Variants in C1RL observed in about 807,000 individuals in gnomAD.
C1RL encodes the protein complement C1r subcomponent-like protein.
A neutral mutation model predicts 27.9 loss-of-function variants in C1RL; 27 were observed. The observed-to-expected ratio is 0.97, with a 90% confidence interval of 0.71 to 1.33. The LOEUF (loss-of-function observed/expected upper bound fraction) is 1.33, where lower values mean the gene tolerates loss of function less well. Ranked by LOEUF, C1RL falls within the 40% of genes most tolerant of loss-of-function variation. The pLI is 0.00. For missense variants in C1RL, 563 were observed against 623.9 expected (o/e 0.90, Z 1.04); for synonymous variants, 248 against 252.1 (o/e 0.98, Z 0.15).
chr12:7,108,057 G>A (rs1938812986), intron 2 of C1RL, 194 bp downstream of exon 2: 2 of 464,732 alleles, frequency 4.3e-6, no homozygotes, highest in Non-Finnish European at 7.6e-6. Flanking sequence ...GGCCCAGATG[G>A]CAGCCCCGGA....
intron 5 of C1RL, among the ~76,000 whole-genome samples, chr12:7,097,566 G>C (rs1938488526): frequency 6.6e-6 from 1 of 152,162 alleles, no homozygotes. Context: ...ACAGGCGTGA[G>C]GCACCGCGCC....
In C1RL at chr12:7,097,158, C is replaced by T. The variant is rs1456081989; in HGVS notation, c.697G>A (p.Gly233Arg). Residue 233 changes from glycine (G) to arginine (R), a missense_variant, in exon 6 of 6, where the codon GGA (glycine) becomes AGA (arginine). Gly to Arg is a moderately radical substitution (Grantham distance 125). Transcript: ENST00000266542. ...TGGGCAATGGGGGTGACTGGCCGTC[C>T]GCAGACTGGGAGAGAGGCGGGGTAG... is the stretch of plus-strand genomic sequence containing the variant. ...EEVLQCMPVC[G>R]RPVTPIAQNQ... The T allele has an allele frequency of 1.9e-5, 31 of 1,601,750 alleles. No individual in the cohort carries two copies. Among genetic ancestry groups the T allele is most frequent in the Non-Finnish European group, 2.3e-5 (27 of 1,173,216 alleles).
In C1RL at chr12:7,105,034, A is replaced by G. The variant is rs117302359; in HGVS notation, c.301-2947T>C. Among the ~76,000 whole-genome samples the G allele has an allele frequency of 4.4e-4, 67 of 152,304 alleles. 1 individual carries two copies. The East Asian group carries it at 0.01, about 23-fold the overall frequency. On this transcript the variant is annotated intron_variant, in intron 2 of 5. Coordinates refer to ENST00000266542, the MANE Select transcript of C1RL (RefSeq NM_016546.4). ...ACAGTGAGCTGCATCTCCCTCCACCAGGCCCTTTTCTCAGCTTGTTGACCA... is the reference window on the plus strand; with the variant it reads ...ACAGTGAGCTGCATCTCCCTCCACCGGGCCCTTTTCTCAGCTTGTTGACCA...
At chr12:7,103,083 C>G (rs985470595) in intron 2 of C1RL, among the ~76,000 whole-genome samples, 1 of 152,200 alleles carries the variant, frequency 6.6e-6, no homozygotes, top group Non-Finnish European at 1.5e-5. Context: ...GAAAATTTCT[C>G]AATCGCCCCA....
intron 2 of C1RL, chr12:7,108,046 G>T: frequency 2.2e-6 from 1 of 456,656 alleles, no homozygotes; most frequent in East Asian, 3.4e-5. Context: ...TTGCTCTGTG[G>T]GGCCCAGATG....
chr12:7,101,891 C>T lies in C1RL; in HGVS notation c.490+7G>A, dbSNP rs1938635717. 4.3e-5 allele frequency: 69 copies of T among 1,613,894 alleles called. No individual in the cohort carries two copies. The highest frequency in any genetic ancestry group is 5.8e-5 in the Non-Finnish European group (69 of 1,179,824). On this transcript the variant is annotated splice_region_variant and intron_variant, in intron 3 of 5. Transcript: ENST00000266542. ...TCCCTCCCTGCACCCCCAGGAGGGA[C>T]ACTCACCCACGGTTTGGTAGAGGGC...
intron 5 of C1RL, among the ~76,000 whole-genome samples, chr12:7,098,010 G>T (rs1311981002): frequency 6.6e-6 from 1 of 152,096 alleles, no homozygotes; most frequent in Non-Finnish European, 1.5e-5. Flanking sequence ...GCTCACGCCT[G>T]TAATCCCAGC....
chr12:7,099,226 A>C (rs989166727), intron 5 of C1RL, among the ~76,000 whole-genome samples: 15 of 27,754 alleles, frequency 5.4e-4, no homozygotes, highest in South Asian at 3.5e-3. Flanking sequence ...ACTCCATCCC[A>C]AAAAAAAAAA....
rs1296947038 is a variant in C1RL at position 7,108,550 on chromosome 12, G to GC, written c.72-72_72-71insG. Reference sequence around the variant, plus strand: ...GGAAGCCTGTGGGTGTGGGAGGAGCGGGGGAGCCGCGCTAGGACTCAGAGG... The same window carrying GC: ...GGAAGCCTGTGGGTGTGGGAGGAGCGCGGGGAGCCGCGCTAGGACTCAGAGG... On this transcript the variant is annotated intron_variant, in intron 1 of 5. Coordinates refer to ENST00000266542, the MANE Select transcript of C1RL (RefSeq NM_016546.4). 6 of 1,294,098 alleles carry GC rather than the reference G, an allele frequency of 4.6e-6. No individual in the cohort carries two copies. In the African/African-American group the frequency reaches 7.9e-5, roughly 17 times the overall value. The allele number at this position is 1,294,098 out of a possible 1,614,324, so 80.2% of individuals were successfully genotyped here.
intron 2 of C1RL, 72 bp from the exon 3 acceptor site, chr12:7,102,159 A>C: frequency 6.8e-7 from 1 of 1,476,850 alleles, no homozygotes; most frequent in Non-Finnish European, 9.3e-7. Context: ...TCACAGGGGC[A>C]CATCCTCGGT....
Position 7,099,712 on chromosome 12 carries a change from C to A in C1RL, c.665G>T (p.Gly222Val). Reference sequence around the variant, plus strand: ...AGGCATACACTGAAGAACCTCCTCCCCATCCTGTCTGTCTTTCCAGGTCCC... The same window carrying A: ...AGGCATACACTGAAGAACCTCCTCCACATCCTGTCTGTCTTTCCAGGTCCC... ...TPGTWKDRQDGEEVLQCMPVC... is the reference protein window; with the variant it reads ...TPGTWKDRQDVEEVLQCMPVC... Residue 222 changes from glycine to valine, a missense_variant, in exon 5 of 6, where the codon GGG (glycine) becomes GTG (valine). By Grantham distance (109) the Gly-to-Val change is moderately radical. Transcript: ENST00000266542. 1 of 1,558,522 alleles carries A rather than the reference C, an allele frequency of 6.4e-7. No homozygotes were observed. The highest frequency in any genetic ancestry group is 2.4e-5 in the East Asian group (1 of 41,826).
At chr12:7,097,405 G>C in intron 5 of C1RL, 3 of 483,246 alleles carry the variant, frequency 6.2e-6, no homozygotes, top group Non-Finnish European at 1.1e-5. Flanking sequence ...TCAGCCTCCC[G>C]AGTAGCTGGG....
rs1049805882 is a variant in C1RL, at chr12:7,099,517, A to C, written c.691+169T>G. ...CTTGACCCCTGAAGAATGAGGAACA[A>C]GCTCCCTGCCTGTTCTTTTCTGGGC... On this transcript the variant is annotated intron_variant, in intron 5 of 5. Coordinates refer to ENST00000266542, the MANE Select transcript of C1RL (RefSeq NM_016546.4). 1.2e-5 allele frequency: 11 copies of C among 955,544 alleles called. No individual in the cohort carries two copies. The African/African-American group carries it at 1.9e-4, about 17-fold the overall frequency. The allele number at this position is 955,544 out of a possible 1,614,324, so 59.2% of individuals were successfully genotyped here. A position where few individuals can be genotyped will look rare whatever the true frequency, so the allele number is the denominator to read the frequency against.
Position 7,096,665 on chromosome 12 carries a change from GC to G in C1RL, c.1189del (p.Ala397LeufsTer64), listed in dbSNP as rs1426032870. 6.2e-7 allele frequency: 1 copy of G among 1,614,142 alleles called. No homozygotes were observed. ...TELKYSRLPVAPREACNAWLQ... is the reference protein window; with the variant it reads ...TELKYSRLPVXPREACNAWLQ... ...CCAGGCGTTGCAGGCCTCCCTGGGA[GC>G]TACAGGCAGCCTCGAGTACTTCAGC... is the stretch of plus-strand genomic sequence containing the variant. On this transcript the variant is annotated frameshift_variant, in exon 6 of 6. Coordinates refer to ENST00000266542, the MANE Select transcript of C1RL (RefSeq NM_016546.4). LOFTEE classifies it low-confidence loss of function (END_TRUNC).
chr12:7,094,601 CA>C lies in C1RL; in HGVS notation c.*1789del. On this transcript the variant is annotated 3_prime_UTR_variant, in exon 6 of 6. Transcript: ENST00000266542. ...TGCCTTGGCAGGGAGAAACTCATAT[CA>C]TTTTTTGCAATCATAAAAATAAGCA... is the stretch of plus-strand genomic sequence containing the variant. The C allele has an allele frequency of 3.2e-6, 3 of 943,382 alleles. No individual in the cohort carries two copies. Among genetic ancestry groups the C allele is most frequent in the Non-Finnish European group, 2.5e-6 (2 of 791,736 alleles). The allele number at this position is 943,382 out of a possible 1,614,324, so 58.4% of individuals were successfully genotyped here.
At position 7,108,489 on chromosome 12, in the gene C1RL, G is replaced by T; in HGVS notation, c.72-10C>A. 1 of 1,569,838 alleles carries T rather than the reference G, an allele frequency of 6.4e-7. No homozygotes were observed. The highest frequency in any genetic ancestry group is 8.7e-7 in the Non-Finnish European group (1 of 1,153,724). On this transcript the variant is annotated splice_polypyrimidine_tract_variant and intron_variant, in intron 1 of 5. Transcript: ENST00000266542. ...GAGAAGCAGCCACCACCTGTGAGTT[G>T]GGGGGAGGGCAAGGTGGGGCCGCGC... is the stretch of plus-strand genomic sequence containing the variant.
intron 5 of C1RL, among the ~76,000 whole-genome samples, chr12:7,098,711 G>T (rs1033623929): frequency 6.6e-6 from 1 of 152,168 alleles, no homozygotes; most frequent in Non-Finnish European, 1.5e-5. Context: ...GACAGAAATG[G>T]CCACACATTA....
In C1RL at chr12:7,095,365, C is replaced by G; in HGVS notation, c.*1026G>C. 1 of 1,020,736 alleles carries G rather than the reference C, an allele frequency of 9.8e-7. No individual in the cohort carries two copies. Among genetic ancestry groups the G allele is most frequent in the Non-Finnish European group, 1.2e-6 (1 of 842,228 alleles). 63.2% of individuals were successfully genotyped at this position (1,020,736 alleles called of 1,614,324 possible). ...TCCTGACCTCGTGATCCACCCACCT[C>G]GGACTCCTAAGGTGTTGGGATTACA... On this transcript the variant is annotated 3_prime_UTR_variant, in exon 6 of 6. Coordinates refer to ENST00000266542, the MANE Select transcript of C1RL (RefSeq NM_016546.4).
At chr12:7,098,120 A>AT (rs1462297307) in intron 5 of C1RL, among the ~76,000 whole-genome samples, 1 of 151,848 alleles carries the variant, frequency 6.6e-6, no homozygotes, top group Non-Finnish European at 1.5e-5. Context: ...TACAAAAAAA[A>AT]ATTAGCCGGC....
Sources: allele counts gnomAD v4.1 joint callset (sites outside exome capture counted in the v4.1 genomes callset), GRCh38; gene constraint gnomAD v4.1.1; transcripts MANE v1.5; gene names NCBI Gene and HGNC (gene_info 2026-07-23, HGNC 2026-07-21).